Variants in CTNND2 observed in about 807,000 individuals in gnomAD.
The protein encoded by CTNND2 is catenin delta 2, also known as catenin delta-2.
Under a neutral mutation model 144.4 loss-of-function variants are expected in CTNND2, and 22 were observed. The ratio of observed to expected loss-of-function variants is 0.15; its 90% CI spans 0.11 to 0.22. CTNND2 has a LOEUF of 0.22. CTNND2 is among the 10% of genes least tolerant of loss of function. The probability of loss-of-function intolerance (pLI) is 1.00; values close to 1 mark genes in which losing one functional copy is unlikely to be tolerated. For missense variants in CTNND2, 1,353 were observed against 1,618.8 expected, an observed-to-expected ratio of 0.84 and a Z score of 2.82; for synonymous variants, 751 against 695.6, an observed-to-expected ratio of 1.08 and a Z score of -1.25.
chr5:11,487,091 TTTA>T (rs1373626023), intron 3 of CTNND2, among the ~76,000 whole-genome samples: 2 of 152,204 alleles, frequency 1.3e-5, no homozygotes, highest in Admixed American at 6.5e-5. Flanking sequence ...TTGGTAAGAT[TTTA>T]TTTTCTTTGC....
chr5:11,428,411 T>C (rs31897), intron 3 of CTNND2, among the ~76,000 whole-genome samples: 57,356 of 151,958 alleles, frequency 0.38, 11,249 homozygotes, highest in African/African-American at 0.45. Context: ...TTGACCTAAC[T>C]TGAGGACCCT....
At chr5:11,244,983 A>G (rs1253408534) in intron 9 of CTNND2, among the ~76,000 whole-genome samples, 1 of 152,250 alleles carries the variant, frequency 6.6e-6, no homozygotes, top group Non-Finnish European at 1.5e-5. Flanking sequence ...TATATATGAG[A>G]TAAGATGACA....
intron 16 of CTNND2, among the ~76,000 whole-genome samples, chr5:11,053,563 G>A (rs574447608): frequency 1.8e-4 from 27 of 152,302 alleles, no homozygotes; most frequent in African/African-American, 2.9e-4. Flanking sequence ...TATTAAAGAC[G>A]CAGCACTGTT....
At chr5:11,528,977 CGTTGACAG>C (rs1773505855) in intron 3 of CTNND2, among the ~76,000 whole-genome samples, 1 of 152,120 alleles carries the variant, frequency 6.6e-6, no homozygotes, top group Non-Finnish European at 1.5e-5. Context: ...CAGAGGCCGG[CGTTGACAG>C]GTATGGAGTG....
intron 11 of CTNND2, among the ~76,000 whole-genome samples, chr5:11,162,572 T>C (rs1336968625): frequency 6.6e-6 from 1 of 152,132 alleles, no homozygotes; most frequent in African/African-American, 2.4e-5. Flanking sequence ...GAACCATCTA[T>C]CTCAATTTAT....
intron 21 of CTNND2, among the ~76,000 whole-genome samples, chr5:10,977,416 A>G (rs1312304734): frequency 6.6e-6 from 1 of 152,166 alleles, no homozygotes. Context: ...GTGGACTGGT[A>G]GAAGCTCAAA....
chr5:11,290,693 C>T (rs932979603), intron 9 of CTNND2, among the ~76,000 whole-genome samples: 4 of 152,118 alleles, frequency 2.6e-5, no homozygotes, highest in Non-Finnish European at 5.9e-5. Flanking sequence ...TACCCATGAT[C>T]GGTCCTTTTA....
chr5:11,821,247 G>A (rs913519560), intron 1 of CTNND2, among the ~76,000 whole-genome samples: 5 of 152,030 alleles, frequency 3.3e-5, no homozygotes, highest in African/African-American at 1.2e-4. Flanking sequence ...AGAAACATAG[G>A]GAAATACTGA....
At chr5:11,427,898 A>G (rs1762931821) in intron 3 of CTNND2, among the ~76,000 whole-genome samples, 1 of 152,200 alleles carries the variant, frequency 6.6e-6, no homozygotes, top group Non-Finnish European at 1.5e-5. Flanking sequence ...CTGGGAGGAA[A>G]AAGAGGTTTA....
intron 3 of CTNND2, among the ~76,000 whole-genome samples, chr5:11,526,593 T>A (rs1773267994): frequency 6.6e-6 from 1 of 152,184 alleles, no homozygotes; most frequent in Non-Finnish European, 1.5e-5. Context: ...ACGCCAGCCC[T>A]CTTCTAAACA....
chr5:11,767,378 C>T (rs1789655740), intron 1 of CTNND2, among the ~76,000 whole-genome samples: 1 of 152,136 alleles, frequency 6.6e-6, no homozygotes, highest in Non-Finnish European at 1.5e-5. Context: ...TCTATGCCTC[C>T]ATCTGTTCAT....
chr5:11,359,803 G>A (rs1046718848), intron 8 of CTNND2, among the ~76,000 whole-genome samples: 4 of 152,208 alleles, frequency 2.6e-5, no homozygotes, highest in South Asian at 4.1e-4. Flanking sequence ...TCTGGGGCAG[G>A]AGGATGGAGA....
chr5:11,442,924 A>G (rs935777842), intron 3 of CTNND2, among the ~76,000 whole-genome samples: 24 of 147,320 alleles, frequency 1.6e-4, no homozygotes, highest in Non-Finnish European at 1.0e-4. Flanking sequence ...AAAATTAATA[A>G]GATATAATAA....
chr5:11,887,387 CTATT>C (rs1736634464), intron 1 of CTNND2, among the ~76,000 whole-genome samples: 1 of 151,902 alleles, frequency 6.6e-6, no homozygotes, highest in South Asian at 2.1e-4. Flanking sequence ...GGCTGATTTG[CTATT>C]TAATTAGAAA....
At chr5:11,541,946 G>T (rs1241175636) in intron 3 of CTNND2, among the ~76,000 whole-genome samples, 2 of 147,518 alleles carry the variant, frequency 1.4e-5, no homozygotes, top group Non-Finnish European at 3.0e-5. Context: ...TGTGGCCTTT[G>T]GAGGTTCACA....
intron 9 of CTNND2, among the ~76,000 whole-genome samples, chr5:11,245,367 T>G (rs1742884412): frequency 6.6e-6 from 1 of 152,148 alleles, no homozygotes; most frequent in African/African-American, 2.4e-5. Flanking sequence ...TGATTCAGTA[T>G]CCTGAGATGG....
At chr5:11,311,348 ACC>A (rs1750824402) in intron 9 of CTNND2, among the ~76,000 whole-genome samples, 1 of 124,054 alleles carries the variant, frequency 8.1e-6, no homozygotes, top group Non-Finnish European at 1.7e-5. Context: ...CTCCCCATAC[ACC>A]CTCAACCCAC....
intron 7 of CTNND2, among the ~76,000 whole-genome samples, chr5:11,379,783 T>C (rs572888536): frequency 2.4e-4 from 37 of 152,246 alleles, no homozygotes; most frequent in Middle Eastern, 6.8e-3. Flanking sequence ...CTCCACACAC[T>C]GCCCAGAACA....
intron 2 of CTNND2, among the ~76,000 whole-genome samples, chr5:11,700,807 T>G (rs1321102945): frequency 6.6e-6 from 1 of 152,170 alleles, no homozygotes; most frequent in East Asian, 1.9e-4. Flanking sequence ...AGAATCTGAT[T>G]GAACAACTGA....
Sources: gnomAD v4.1 joint callset for allele counts (sites outside exome capture counted in the v4.1 genomes callset) on GRCh38, gnomAD v4.1.1 for gene constraint, MANE v1.5 for transcripts, NCBI Gene and HGNC (gene_info 2026-07-23, HGNC 2026-07-21) for gene names.